The following FHIT variants were observed in gnomAD, a reference collection of about 807,000 sequenced individuals.
FHIT encodes bis(5'-adenosyl)-triphosphatase.
In FHIT, 19 loss-of-function variants were observed where a neutral mutation model predicts 17.9. The observed-to-expected ratio is 1.06, with a 90% CI of 0.74 to 1.56. The LOEUF (loss-of-function observed/expected upper bound fraction) is 1.56, where lower values mean the gene tolerates loss of function less well. Ranked by LOEUF, FHIT falls within the 40% of genes most tolerant of loss-of-function variation. FHIT has a pLI of 0.00. For synonymous variants in FHIT, 81 were observed against 69.7 expected (o/e 1.16, Z -0.81); for missense variants, 248 against 189.2 (o/e 1.31, Z -1.82).
intron 2 of FHIT, among the ~76,000 whole-genome samples, chr3:61,075,356 C>T (rs935834252): frequency 1.3e-5 from 2 of 152,050 alleles, no homozygotes; most frequent in African/African-American, 4.8e-5. Context: ...AACATACATG[C>T]ACATACACAC....
chr3:60,766,467 G>A (rs782420688), intron 4 of FHIT, among the ~76,000 whole-genome samples: 1 of 106,080 alleles, frequency 9.4e-6, no homozygotes, highest in Non-Finnish European at 1.9e-5. Flanking sequence ...CTTTACTTTA[G>A]GGAGGACCTG....
rs796869384 is a variant in FHIT, at chr3:60,067,344, GAATGAATGAATA to G, written c.104-53204_104-53193del. 4.2e-3 allele frequency among the ~76,000 whole-genome samples: 631 copies of G among 151,944 alleles called. 3 individuals are homozygous for G. The highest frequency in any genetic ancestry group is 0.012 in the African/African-American group (504 of 41,330). On this transcript the variant is annotated intron_variant, in intron 5 of 9. Transcript: ENST00000492590. ...GTATTGAATGAATGAATGAATGAAT[GAATGAATGAATA>G]AGCACACATACACAGCAGAAAAACA... is the stretch of plus-strand genomic sequence containing the variant.
chr3:60,060,689 G>T (rs1308014873), intron 5 of FHIT, among the ~76,000 whole-genome samples: 1 of 152,132 alleles, frequency 6.6e-6, no homozygotes. Context: ...GGTGTCTTAG[G>T]CATTTCCAGA....
At chr3:60,915,694 A>C (rs1348884503) in intron 3 of FHIT, among the ~76,000 whole-genome samples, 1 of 152,192 alleles carries the variant, frequency 6.6e-6, no homozygotes, top group Non-Finnish European at 1.5e-5. Context: ...AAGGTGTTCT[A>C]AAAGAAACTT....
At chr3:60,337,953 C>G (rs9311762) in intron 5 of FHIT, among the ~76,000 whole-genome samples, 26,987 of 152,138 alleles carry the variant, frequency 0.18, 2,582 homozygotes, top group African/African-American at 0.24. Context: ...ACTATCAAGC[C>G]TGGGCATTTT....
intron 2 of FHIT, among the ~76,000 whole-genome samples, chr3:61,069,736 GC>G (rs1332500709): frequency 6.6e-6 from 1 of 152,174 alleles, no homozygotes; most frequent in Non-Finnish European, 1.5e-5. Flanking sequence ...TTAGCACAGT[GC>G]CCCACACATA....
intron 4 of FHIT, among the ~76,000 whole-genome samples, chr3:60,772,362 T>C (rs1700075647): frequency 7.1e-6 from 1 of 141,336 alleles, no homozygotes; most frequent in Non-Finnish European, 1.5e-5. Flanking sequence ...ATATTTGACA[T>C]CATAGAGGCA....
rs547044540 is a variant in FHIT at position 60,624,851 on chromosome 3, T to C, written c.-17-87872A>G. ...GATATTGAATTGACAGGATATGCCATGTTTGTCCATTCAGAAATTGATAAG... is the reference window on the plus strand; with the variant it reads ...GATATTGAATTGACAGGATATGCCACGTTTGTCCATTCAGAAATTGATAAG... On this transcript the variant is annotated intron_variant, in intron 4 of 9. Transcript: ENST00000492590. Among the ~76,000 whole-genome samples, 45 of 152,292 alleles carry C rather than the reference T, an allele frequency of 3.0e-4. 1 individual carries two copies. The highest frequency in any genetic ancestry group is 2.3e-3 in the Admixed American group (35 of 15,294).
intron 7 of FHIT, among the ~76,000 whole-genome samples, chr3:59,936,615 T>C (rs921836147): frequency 6.6e-6 from 1 of 152,282 alleles, no homozygotes; most frequent in East Asian, 1.9e-4. Context: ...TTCCATAATC[T>C]GTGCATTATT....
chr3:60,187,002 G>A (rs189683539), intron 5 of FHIT, among the ~76,000 whole-genome samples: 1 of 152,184 alleles, frequency 6.6e-6, no homozygotes. Context: ...GTAGAGTGTT[G>A]AGGCCTATTT....
At chr3:60,628,801 A>G (rs2039362940) in intron 4 of FHIT, among the ~76,000 whole-genome samples, 1 of 152,174 alleles carries the variant, frequency 6.6e-6, no homozygotes, top group Non-Finnish European at 1.5e-5. Context: ...ATCAATTCCT[A>G]TGAGCTTCAG....
chr3:60,075,654 A>G (rs1702973415), intron 5 of FHIT, among the ~76,000 whole-genome samples: 1 of 151,926 alleles, frequency 6.6e-6, no homozygotes. Context: ...TGTGGTATGG[A>G]ACATTCCCCA....
chr3:60,856,739 G>A, intron 3 of FHIT: 1 of 151,892 alleles, frequency 6.6e-6, no homozygotes, highest in Non-Finnish European at 1.5e-5. Context: ...GTCCATCCCT[G>A]CCTGCCTCAC....
intron 5 of FHIT, among the ~76,000 whole-genome samples, chr3:60,184,352 T>C (rs1456111816): frequency 5.3e-5 from 8 of 152,048 alleles, no homozygotes; most frequent in African/African-American, 1.2e-4. Context: ...ACATAACTTA[T>C]GTTGCTTAAG....
chr3:59,804,405 G>A (rs1327201441), intron 8 of FHIT, among the ~76,000 whole-genome samples: 1 of 152,222 alleles, frequency 6.6e-6, no homozygotes, highest in Non-Finnish European at 1.5e-5. Context: ...ACTGGTAGAG[G>A]GTGCCTATGT....
At chr3:60,305,732 GA>G (rs1482414855) in intron 5 of FHIT, among the ~76,000 whole-genome samples, 1 of 152,106 alleles carries the variant, frequency 6.6e-6, no homozygotes, top group Non-Finnish European at 1.5e-5. Context: ...TACATTCTCA[GA>G]ATGCAGTGCA....
chr3:59,877,919 C>A (rs1703236701), intron 8 of FHIT, among the ~76,000 whole-genome samples: 1 of 152,208 alleles, frequency 6.6e-6, no homozygotes, highest in African/African-American at 2.4e-5. Context: ...AGCTCTCACT[C>A]AGACCTGGAC....
At chr3:61,150,752 A>G (rs2037363929) in intron 2 of FHIT, among the ~76,000 whole-genome samples, 1 of 152,174 alleles carries the variant, frequency 6.6e-6, no homozygotes, top group Non-Finnish European at 1.5e-5. Context: ...GTTGTTCACT[A>G]TTTCAGAAAA....
chr3:59,889,573 C>A (rs547916229), intron 8 of FHIT, among the ~76,000 whole-genome samples: 1 of 152,320 alleles, frequency 6.6e-6, no homozygotes, highest in East Asian at 1.9e-4. Context: ...CTCCTTATAA[C>A]AGAGAGGAGG....
Sources: allele counts gnomAD v4.1 joint callset (sites outside exome capture counted in the v4.1 genomes callset), GRCh38; gene constraint gnomAD v4.1.1; transcripts MANE v1.5; gene names NCBI Gene and HGNC (gene_info 2026-07-23, HGNC 2026-07-21).